Variants in PSMA6 observed in about 807,000 individuals in gnomAD.
The protein encoded by PSMA6 is proteasome 20S subunit alpha 6.
For missense variants in PSMA6, 170 were observed against 294.8 expected (o/e 0.58, Z 3.10); for synonymous variants, 88 against 97.7 (o/e 0.90, Z 0.59).
chr14:35,316,076 A>C (rs1594397497), intron 6 of PSMA6: 1 of 152,304 alleles, frequency 6.6e-6, no homozygotes, highest in East Asian at 1.9e-4. Context: ...CTTTCGAGGC[A>C]AACATCATTT....
chr14:35,296,308 A>T (rs991280527), intron 1 of PSMA6, among the ~76,000 whole-genome samples: 1 of 150,696 alleles, frequency 6.6e-6, no homozygotes, highest in African/African-American at 2.4e-5. Flanking sequence ...TAAGCACTCA[A>T]TGTTTTCTGG....
At chr14:35,293,313 T>C (rs1049891767) in intron 1 of PSMA6, 3 of 246,856 alleles carry the variant, frequency 1.2e-5, no homozygotes, top group Non-Finnish European at 2.5e-5. Context: ...ACACCTGTAG[T>C]GGAAAGAAAC....
intron 1 of PSMA6, among the ~76,000 whole-genome samples, chr14:35,298,255 C>G (rs548786422): frequency 6.6e-6 from 1 of 151,986 alleles, no homozygotes; most frequent in South Asian, 2.1e-4. Flanking sequence ...TTTGGGAGGC[C>G]GAGGCAGGTG....
rs138866372 is a variant in PSMA6, at chr14:35,310,795, C to T, written c.309C>T (p.Tyr103=). Residue 103 remains tyrosine (Y), a synonymous_variant, in exon 4 of 7, where the codon TAC becomes TAT. Coordinates refer to ENST00000261479, the MANE Select transcript of PSMA6 (RefSeq NM_002791.3). ...GCTATGAGGCAGCTAACTGGAAATA[C>T]AAGTATGGCTATGAGATTCCTGTGG... The part of the protein sequence containing the change: ...RARYEAANWK[Y]KYGYEIPVDM... 2.5e-6 allele frequency: 4 copies of T among 1,612,998 alleles called. No individual in the cohort carries two copies. In the African/African-American group the frequency reaches 4.0e-5, roughly 16 times the overall value.
At chr14:35,309,119 G>T (rs2051889378) in intron 3 of PSMA6, 124 bp downstream of exon 3, 1 of 715,458 alleles carries the variant, frequency 1.4e-6, no homozygotes, top group Admixed American at 2.6e-5. Context: ...GCCATGAGTG[G>T]ATTTGCAGTC....
At chr14:35,296,493 G>T (rs2051590933) in intron 1 of PSMA6, among the ~76,000 whole-genome samples, 1 of 152,020 alleles carries the variant, frequency 6.6e-6, no homozygotes, top group South Asian at 2.1e-4. Context: ...ACCATGCCCG[G>T]CTAGTTTTTG....
At chr14:35,298,259 G>A (rs1221467009) in intron 1 of PSMA6, among the ~76,000 whole-genome samples, 3 of 152,218 alleles carry the variant, frequency 2.0e-5, no homozygotes, top group South Asian at 2.1e-4. Context: ...GGAGGCCGAG[G>A]CAGGTGGATA....
chr14:35,294,320 G>C (rs189960753), intron 1 of PSMA6, among the ~76,000 whole-genome samples: 147 of 152,224 alleles, frequency 9.7e-4, no homozygotes, highest in African/African-American at 3.3e-3. Flanking sequence ...CGTGAGCACC[G>C]GGCCTAGCAC....
chr14:35,311,044 T>A, intron 4 of PSMA6, 149 bp downstream of exon 4: 1 of 741,820 alleles, frequency 1.3e-6, no homozygotes, highest in Non-Finnish European at 2.1e-6. Flanking sequence ...AAATCAGAAC[T>A]AAAGGATAGG....
intron 1 of PSMA6, among the ~76,000 whole-genome samples, chr14:35,306,829 A>C (rs1380191200): frequency 1.3e-5 from 2 of 152,198 alleles, no homozygotes; most frequent in Non-Finnish European, 2.9e-5. Flanking sequence ...CTAGAAGTGC[A>C]TAAGCTGAGG....
intron 1 of PSMA6, among the ~76,000 whole-genome samples, chr14:35,299,471 G>A (rs2051668619): frequency 1.3e-5 from 2 of 151,506 alleles, no homozygotes; most frequent in African/African-American, 2.4e-5. Flanking sequence ...ACAGGCGCCT[G>A]CCACCACACC....
rs745964192 is a variant in PSMA6 at position 35,309,015 on chromosome 14, A to G, written c.253+20A>G. 6.7e-6 allele frequency: 10 copies of G among 1,500,592 alleles called. 1 individual carries two copies. The South Asian group carries it at 1.2e-4, about 18-fold the overall frequency. The allele number at this position is 1,500,592 out of a possible 1,614,324, so 93.0% of individuals were successfully genotyped here. The stretch of plus-strand genomic sequence containing the variant: ...TGACAGGTAATTAATCTGTAGATAT[A>G]CAAGACATCTGTAGATATACAAGCC... On this transcript the variant is annotated intron_variant, in intron 3 of 6. Coordinates refer to ENST00000261479, the MANE Select transcript of PSMA6 (RefSeq NM_002791.3).
At chr14:35,307,842 A>G (rs1202339055) in intron 1 of PSMA6, 152 bp from the exon 2 acceptor site, 22 of 619,456 alleles carry the variant, frequency 3.6e-5, no homozygotes, top group Non-Finnish European at 6.0e-5. Flanking sequence ...ACTTGTGGTC[A>G]TTATTATTAT....
chr14:35,302,244 T>G (rs1272112744), intron 1 of PSMA6, among the ~76,000 whole-genome samples: 1 of 152,294 alleles, frequency 6.6e-6, no homozygotes, highest in Non-Finnish European at 1.5e-5. Flanking sequence ...TGTCTGTTAC[T>G]GTTTCTTGAT....
chr14:35,299,115 C>G (rs2051658172), intron 1 of PSMA6, among the ~76,000 whole-genome samples: 1 of 152,120 alleles, frequency 6.6e-6, no homozygotes, highest in Non-Finnish European at 1.5e-5. Flanking sequence ...TAGCCTCAAA[C>G]TCTTGCACTC....
At chr14:35,287,247 C>T (rs1380246956) in intron 1 of PSMA6, among the ~76,000 whole-genome samples, 3 of 152,276 alleles carry the variant, frequency 2.0e-5, no homozygotes, top group South Asian at 2.1e-4. Context: ...CAGAGTCCTA[C>T]GTCCCTTTCT....
intron 1 of PSMA6, among the ~76,000 whole-genome samples, chr14:35,287,046 A>C (rs2051427854): frequency 6.6e-6 from 1 of 152,180 alleles, no homozygotes; most frequent in Non-Finnish European, 1.5e-5. Flanking sequence ...ACTAGAGTAG[A>C]GAAAGTACCC....
At chr14:35,312,002 A>G (rs1050536824) in intron 4 of PSMA6, among the ~76,000 whole-genome samples, 1 of 152,192 alleles carries the variant, frequency 6.6e-6, no homozygotes, top group Non-Finnish European at 1.5e-5. Context: ...AAATAGGTCA[A>G]TCTACAACAG....
chr14:35,315,404 A>T (rs1445540846), intron 6 of PSMA6: 1 of 152,104 alleles, frequency 6.6e-6, no homozygotes, highest in South Asian at 2.1e-4. Flanking sequence ...TTTAAAAAAA[A>T]AAAAACAGCT....
Sources: gnomAD v4.1 joint callset for allele counts (sites outside exome capture counted in the v4.1 genomes callset) on GRCh38, gnomAD v4.1.1 for gene constraint, MANE v1.5 for transcripts, NCBI Gene and HGNC (gene_info 2026-07-23, HGNC 2026-07-21) for gene names.